The following BUB1B variants were observed in gnomAD, a reference collection of about 807,000 sequenced individuals.
BUB1B encodes mitotic checkpoint serine/threonine-protein kinase BUB1 beta.
A neutral mutation model predicts 137.7 loss-of-function variants in BUB1B; 86 were observed. The ratio of observed to expected loss-of-function variants is 0.62; its 90% CI spans 0.52 to 0.75. The LOEUF (loss-of-function observed/expected upper bound fraction) is 0.75, where lower values mean the gene tolerates loss of function less well. Among genes scored for constraint, BUB1B ranks in the 30% least tolerant of loss-of-function variants. The probability of loss-of-function intolerance (pLI) is 0.00; values close to 1 mark genes in which losing one functional copy is unlikely to be tolerated. For missense variants in BUB1B, 1,130 were observed against 1,236.9 expected (o/e 0.91, Z 1.30); for synonymous variants, 420 against 417.9 (o/e 1.00, Z -0.06).
intron 3 of BUB1B, among the ~76,000 whole-genome samples, 171 bp from the exon 4 acceptor site, chr15:40,170,366 T>G (rs569750437): frequency 1.1e-4 from 16 of 152,376 alleles, no homozygotes; most frequent in African/African-American, 3.8e-4. Flanking sequence ...CCCAGAAGCA[T>G]GTACTAGAGA....
At chr15:40,210,938 C>T (rs545239107) in intron 18 of BUB1B, among the ~76,000 whole-genome samples, 2 of 152,256 alleles carry the variant, frequency 1.3e-5, no homozygotes, top group South Asian at 2.1e-4. Flanking sequence ...TTTGTTGTCA[C>T]TTATGTGCTA....
chr15:40,206,588 A>T, intron 15 of BUB1B, 130 bp downstream of exon 15: 1 of 1,118,762 alleles, frequency 8.9e-7, no homozygotes, highest in East Asian at 2.4e-5. Flanking sequence ...GCTTTACATG[A>T]GAGTAGGGCT....
rs754911446 is a variant in BUB1B, at chr15:40,170,180, A to C, written c.239+59A>C. The C allele has an allele frequency of 9.3e-6, 14 of 1,503,728 alleles. No homozygotes were observed. In the East Asian group the frequency reaches 3.2e-4, roughly 34 times the overall value. The allele number at this position is 1,503,728 out of a possible 1,614,324, so 93.1% of individuals were successfully genotyped here. A position where few individuals can be genotyped will look rare whatever the true frequency, so the allele number is the denominator to read the frequency against. On this transcript the variant is annotated intron_variant, in intron 3 of 22. Coordinates refer to ENST00000287598, the MANE Select transcript of BUB1B (RefSeq NM_001211.6). Reference sequence around the variant, plus strand: ...CATTAACAGATAAGTCCTTATGGCCATGTTTCTCAAATTGGGGTATATGGA... The same window carrying C: ...CATTAACAGATAAGTCCTTATGGCCCTGTTTCTCAAATTGGGGTATATGGA...
At chr15:40,175,702 C>T (rs2037215925) in intron 4 of BUB1B, among the ~76,000 whole-genome samples, 2 of 152,176 alleles carry the variant, frequency 1.3e-5, no homozygotes, top group Non-Finnish European at 1.5e-5. Context: ...ATCGCTCACC[C>T]ACCCTAACAC....
intron 9 of BUB1B, among the ~76,000 whole-genome samples, chr15:40,198,530 A>G (rs541781453): frequency 2.0e-5 from 3 of 152,308 alleles, no homozygotes; most frequent in African/African-American, 4.8e-5. Flanking sequence ...CTTGCCAACT[A>G]CTTACTCTCA....
intron 4 of BUB1B, among the ~76,000 whole-genome samples, chr15:40,172,205 A>G (rs1003364449): frequency 1.3e-5 from 2 of 151,200 alleles, no homozygotes; most frequent in African/African-American, 4.8e-5. Context: ...TAATAAAGTA[A>G]GAAATAAATT....
chr15:40,164,753 C>T (rs1172369307), intron 1 of BUB1B, among the ~76,000 whole-genome samples: 4 of 150,932 alleles, frequency 2.7e-5, no homozygotes, highest in African/African-American at 7.3e-5. Flanking sequence ...CCTCCCACTT[C>T]GGCCTCACAA....
intron 2 of BUB1B, among the ~76,000 whole-genome samples, chr15:40,167,978 T>C (rs1465375236): frequency 6.6e-6 from 1 of 152,118 alleles, no homozygotes; most frequent in Non-Finnish European, 1.5e-5. Context: ...TTTGTTCTTT[T>C]CAAAATTGCT....
chr15:40,161,365 A>G (rs1320626034), intron 1 of BUB1B, 110 bp downstream of exon 1: 4 of 1,262,392 alleles, frequency 3.2e-6, no homozygotes, highest in Non-Finnish European at 4.2e-6. Context: ...CCGTCAGAAC[A>G]GACCCCACCG....
chr15:40,210,089 G>T, intron 17 of BUB1B, 21 bp from the exon 18 acceptor site: 4 of 1,560,684 alleles, frequency 2.6e-6, no homozygotes, highest in Non-Finnish European at 2.7e-6. Context: ...ATTTTTAAAT[G>T]GAATCAAACT....
Position 40,220,870 on chromosome 15 carries a change from A to G in BUB1B, c.*111A>G, listed in dbSNP as rs8364. 21,260 of 1,148,630 alleles carry G rather than the reference A, an allele frequency of 0.019. 2,653 individuals carry two copies. In the African/African-American group the frequency reaches 0.28, roughly 15 times the overall value. 71.2% of individuals were successfully genotyped at this position (1,148,630 alleles called of 1,614,324 possible). On this transcript the variant is annotated 3_prime_UTR_variant, in exon 23 of 23. Transcript: ENST00000287598. ...TTAGGACACATTTAGATGCACTACC[A>G]TTGCTGTTCTACTTTTTGGTACAGG...
At chr15:40,189,439 C>T (rs1031942126) in intron 8 of BUB1B, among the ~76,000 whole-genome samples, 1 of 152,220 alleles carries the variant, frequency 6.6e-6, no homozygotes, top group Non-Finnish European at 1.5e-5. Flanking sequence ...GGATTATAGG[C>T]GTGAGCCACT....
chr15:40,207,568 G>A (rs1247129464), intron 15 of BUB1B, among the ~76,000 whole-genome samples: 1 of 152,066 alleles, frequency 6.6e-6, no homozygotes, highest in Non-Finnish European at 1.5e-5. Flanking sequence ...TCCAGAGAAA[G>A]GATAAAGAGG....
Position 40,185,571 on chromosome 15 carries a change from A to G in BUB1B, c.987A>G (p.Ser329=), listed in dbSNP as rs1208484652. The part of the protein sequence containing the change: ...LEHRPRGNTA[S]LIAVPAVLPS... ...TCCAGCCTCGTGGCAATACAGCTTC[A>G]CTGATAGCTGTACCCGCTGTGCTTC... is the stretch of plus-strand genomic sequence containing the variant. Residue 329 remains serine (S), a synonymous_variant, in exon 8 of 23, where the codon TCA becomes TCG. Coordinates refer to ENST00000287598, the MANE Select transcript of BUB1B (RefSeq NM_001211.6). The G allele has an allele frequency of 1.2e-6, 2 of 1,614,120 alleles. No homozygotes were observed. Among genetic ancestry groups the G allele is most frequent in the Non-Finnish European group, 1.7e-6 (2 of 1,179,974 alleles).
chr15:40,169,097 CATT>C (rs1396261495), intron 2 of BUB1B, among the ~76,000 whole-genome samples: 4 of 152,144 alleles, frequency 2.6e-5, no homozygotes, highest in Admixed American at 2.6e-4. Context: ...TTTTATTAAT[CATT>C]ATCCAAATTC....
intron 20 of BUB1B, 104 bp downstream of exon 20, chr15:40,213,578 T>C: frequency 7.9e-7 from 1 of 1,260,478 alleles, no homozygotes; most frequent in Non-Finnish European, 1.1e-6. Flanking sequence ...CTCTGTCACC[T>C]AGGTTGGAGT....
chr15:40,212,553 C>T lies in BUB1B; in HGVS notation c.2440C>T (p.Arg814Cys), dbSNP rs769288048. Reference protein sequence around the residue: ...DFYINLKLKERLNEDFDHFCS... With the variant: ...DFYINLKLKECLNEDFDHFCS... Reference sequence around the variant, plus strand: ...TTATATCAACCTCAAGTTAAAGGAACGTTTAAATGAAGATTTTGATCATTT... The same window carrying T: ...TTATATCAACCTCAAGTTAAAGGAATGTTTAAATGAAGATTTTGATCATTT... The change falls in exon 19 of 23, where the codon CGT becomes TGT. Residue 814 changes from arginine (R) to cysteine (C), a missense_variant. Transcript: ENST00000287598. The T allele has an allele frequency of 5.0e-6, 8 of 1,612,484 alleles. No homozygotes were observed. The highest frequency in any genetic ancestry group is 1.1e-5 in the South Asian group (1 of 91,046).
intron 8 of BUB1B, among the ~76,000 whole-genome samples, chr15:40,188,876 C>G (rs986506324): frequency 6.6e-6 from 1 of 152,166 alleles, no homozygotes; most frequent in Non-Finnish European, 1.5e-5. Context: ...CCACTGCACT[C>G]AGCCTTTTAA....
chr15:40,168,133 C>T (rs1306008905), intron 2 of BUB1B, among the ~76,000 whole-genome samples: 3 of 151,334 alleles, frequency 2.0e-5, no homozygotes, highest in Non-Finnish European at 2.9e-5. Context: ...TTTAGGAGGC[C>T]GAGGCAGGCG....
Sources: allele counts gnomAD v4.1 joint callset (sites outside exome capture counted in the v4.1 genomes callset), GRCh38; gene constraint gnomAD v4.1.1; transcripts MANE v1.5; gene names NCBI Gene and HGNC (gene_info 2026-07-23, HGNC 2026-07-21).